Variants in SDK1 observed in about 807,000 individuals in gnomAD.
SDK1 encodes sidekick cell adhesion molecule 1.
SDK1 carries 157 observed loss-of-function variants against 245.5 expected under a neutral mutation model. The observed-to-expected ratio is 0.64, with a 90% CI of 0.56 to 0.73. SDK1 has a LOEUF of 0.73. Ranked by LOEUF, SDK1 falls within the 30% of genes least tolerant of loss-of-function variation. SDK1 has a pLI of 0.00. For synonymous variants in SDK1, 1,647 were observed against 1,278.5 expected, an observed-to-expected ratio of 1.29 and a Z score of -6.15; for missense variants, 3,583 against 3,002.3, an observed-to-expected ratio of 1.19 and a Z score of -4.52.
chr7:4,110,631 T>A (rs1783277453), intron 22 of SDK1, 32 bp from the exon 23 acceptor site: 3 of 1,488,168 alleles, frequency 2.0e-6, no homozygotes, highest in Non-Finnish European at 2.8e-6. Context: ...CTAAGGCATG[T>A]CCAGCCCATC....
chr7:4,209,450 A>C (rs996897813), intron 37 of SDK1, among the ~76,000 whole-genome samples: 3 of 152,106 alleles, frequency 2.0e-5, no homozygotes, highest in African/African-American at 7.2e-5. Context: ...GCTCCACATC[A>C]CCCCGGCCAC....
At chr7:3,586,159 C>G (rs184811937) in intron 1 of SDK1, among the ~76,000 whole-genome samples, 10 of 151,524 alleles carry the variant, frequency 6.6e-5, no homozygotes, top group East Asian at 2.0e-4. Flanking sequence ...GCCTAACTCT[C>G]AGTGAAGTGT....
At chr7:3,409,297 GTTT>G (rs5881980) in intron 1 of SDK1, among the ~76,000 whole-genome samples, 3,469 of 136,818 alleles carry the variant, frequency 0.025, 114 homozygotes, top group African/African-American at 0.079. Context: ...TTCTATTATG[GTTT>G]TTTTTTTTTT....
intron 30 of SDK1, among the ~76,000 whole-genome samples, chr7:4,157,465 A>AGAAGGAAGGAAG (rs143629733): frequency 1.6e-4 from 5 of 31,404 alleles, no homozygotes; most frequent in African/African-American, 8.5e-4. Context: ...TGGAAGGGAG[A>AGAAGGAAGGAAG]GAAGGAAGGA....
chr7:4,049,362 C>T lies in SDK1; in HGVS notation c.2617C>T (p.Pro873Ser). The T allele has an allele frequency of 6.2e-7, 1 of 1,614,112 alleles. No homozygotes were observed. Among genetic ancestry groups the T allele is most frequent in the Non-Finnish European group, 8.5e-7 (1 of 1,180,022 alleles). Residue 873 changes from proline (P) to serine (S), a missense_variant, in exon 18 of 45, where the codon CCG becomes TCG. By Grantham distance (74) the Pro-to-Ser change is moderately conservative. Transcript: ENST00000404826. Reference protein sequence around the residue: ...YTLQGVPTAPPQNVQTEAVNS... With the variant: ...YTLQGVPTAPSQNVQTEAVNS... The stretch of plus-strand genomic sequence containing the variant: ...CCCTGCCACAGTGCCCACCGCGCCC[C>T]CGCAGAACGTGCAGACGGAAGCCGT...
intron 1 of SDK1, among the ~76,000 whole-genome samples, chr7:3,569,216 C>T (rs888573399): frequency 5.9e-5 from 9 of 151,870 alleles, no homozygotes; most frequent in African/African-American, 1.9e-4. Context: ...AAGTTAGAAG[C>T]GAGAAAAACA....
chr7:3,323,122 C>T (rs1348080653), intron 1 of SDK1, among the ~76,000 whole-genome samples: 1 of 152,116 alleles, frequency 6.6e-6, no homozygotes, highest in Non-Finnish European at 1.5e-5. Flanking sequence ...CTTTTGTTTG[C>T]AGGTCCCTTT....
intron 4 of SDK1, among the ~76,000 whole-genome samples, chr7:3,715,400 A>G (rs1407174602): frequency 6.6e-6 from 1 of 152,188 alleles, no homozygotes; most frequent in African/African-American, 2.4e-5. Flanking sequence ...CTCAGGTGGC[A>G]CTAGTCAAGA....
At chr7:3,616,945 G>T (rs1344263107) in intron 1 of SDK1, among the ~76,000 whole-genome samples, 3 of 152,316 alleles carry the variant, frequency 2.0e-5, no homozygotes, top group African/African-American at 7.2e-5. Context: ...AAGGAAATAT[G>T]TGACATTTGG....
At chr7:3,531,247 G>T (rs1486309976) in intron 1 of SDK1, among the ~76,000 whole-genome samples, 1 of 152,082 alleles carries the variant, frequency 6.6e-6, no homozygotes, top group African/African-American at 2.4e-5. Flanking sequence ...GAGCATATTT[G>T]GGGTTGATCT....
intron 4 of SDK1, among the ~76,000 whole-genome samples, chr7:3,786,717 G>C (rs1490734064): frequency 6.6e-6 from 1 of 152,088 alleles, no homozygotes; most frequent in Non-Finnish European, 1.5e-5. Context: ...ATGGATGTTT[G>C]TGTTAGGGCT....
chr7:4,138,576 G>A (rs28680820), intron 28 of SDK1, among the ~76,000 whole-genome samples: 4 of 151,828 alleles, frequency 2.6e-5, no homozygotes, highest in Non-Finnish European at 5.9e-5. Flanking sequence ...GTGAAACCCC[G>A]TTTCTACTAA....
chr7:3,458,869 G>T (rs539377422), intron 1 of SDK1, among the ~76,000 whole-genome samples: 2 of 152,170 alleles, frequency 1.3e-5, no homozygotes, highest in East Asian at 3.9e-4. Flanking sequence ...CTTAATTACC[G>T]TAGTTTTACA....
intron 1 of SDK1, among the ~76,000 whole-genome samples, chr7:3,561,752 C>T (rs563231889): frequency 3.3e-5 from 5 of 152,308 alleles, no homozygotes; most frequent in East Asian, 1.9e-4. Context: ...AAAGAGCTCA[C>T]GTTCCCTTCC....
chr7:3,772,925 A>G (rs73306128), intron 4 of SDK1, among the ~76,000 whole-genome samples: 1,977 of 152,222 alleles, frequency 0.013, 32 homozygotes, highest in African/African-American at 0.034. Flanking sequence ...TGAGGATCCC[A>G]TGTATCGTGA....
In SDK1 at chr7:3,642,123, T is replaced by C; in HGVS notation, c.713+18T>C. 1 of 1,612,378 alleles carries C rather than the reference T, an allele frequency of 6.2e-7. No homozygotes were observed. Among genetic ancestry groups the C allele is most frequent in the Non-Finnish European group, 8.5e-7 (1 of 1,178,730 alleles). On this transcript the variant is annotated intron_variant, in intron 4 of 44. Transcript: ENST00000404826. The stretch of plus-strand genomic sequence containing the variant: ...AACAGAATGTAAGTTGCTCCAAACG[T>C]TAAAGCTTCAAATACAATTGTAATG...
intron 4 of SDK1, among the ~76,000 whole-genome samples, chr7:3,816,834 T>A (rs1327987816): frequency 6.6e-6 from 1 of 152,198 alleles, no homozygotes; most frequent in Admixed American, 6.5e-5. Flanking sequence ...GTTGCTTAAT[T>A]AAAATGGAGA....
intron 1 of SDK1, among the ~76,000 whole-genome samples, chr7:3,403,866 T>TATATAA (rs1562466232): frequency 1.2e-4 from 14 of 115,714 alleles, no homozygotes; most frequent in Non-Finnish European, 2.3e-4. Flanking sequence ...TATATATATA[T>TATATAA]ATAATATATA....
At chr7:4,195,490 A>G (rs959671612) in intron 35 of SDK1, among the ~76,000 whole-genome samples, 1 of 152,062 alleles carries the variant, frequency 6.6e-6, no homozygotes, top group Non-Finnish European at 1.5e-5. Flanking sequence ...CAGCTCCCAA[A>G]TGAGTCCCCT....
Sources: allele counts gnomAD v4.1 joint callset (sites outside exome capture counted in the v4.1 genomes callset), GRCh38; gene constraint gnomAD v4.1.1; transcripts MANE v1.5; gene names NCBI Gene and HGNC (gene_info 2026-07-23, HGNC 2026-07-21).